SLC38A2: variants seen among roughly 807,000 people sequenced by gnomAD.
The protein encoded by SLC38A2 is sodium-coupled neutral amino acid symporter 2.
In SLC38A2, 11 loss-of-function variants were observed where a neutral mutation model predicts 61.5. The ratio of observed to expected loss-of-function variants is 0.18; its 90% confidence interval spans 0.11 to 0.30. The LOEUF is 0.30. Ranked by LOEUF, SLC38A2 falls within the 10% of genes least tolerant of loss-of-function variation. The pLI is 1.00. For synonymous variants in SLC38A2, 217 were observed against 212.5 expected, an observed-to-expected ratio of 1.02 and a Z score of -0.18; for missense variants, 522 against 600.4, an observed-to-expected ratio of 0.87 and a Z score of 1.36.
intron 15 of SLC38A2, chr12:46,361,877 C>T (rs1943085311): frequency 6.2e-6 from 1 of 161,278 alleles, no homozygotes; most frequent in Admixed American, 6.3e-5. Flanking sequence ...GACGGCCTCC[C>T]TGAGAGCTTC....
Position 46,364,440 on chromosome 12 carries a change from G to A in SLC38A2, c.822C>T (p.Asn274=), listed in dbSNP as rs374341949. The A allele has an allele frequency of 3.9e-5, 62 of 1,608,252 alleles. No homozygotes were observed. Among genetic ancestry groups the A allele is most frequent in the Non-Finnish European group, 4.8e-5 (57 of 1,178,156 alleles). Reference sequence around the variant, plus strand: ...GTCTGCAAGAGTCATTTTCAGTCACGTTATGTGACAAAGCAGGTACAAGAG... The same window carrying A: ...GTCTGCAAGAGTCATTTTCAGTCACATTATGTGACAAAGCAGGTACAAGAG... ...PTALVPALSH[N]VTENDSCRPH... is the part of the protein sequence containing the mutation. Residue 274 remains asparagine (N), a synonymous_variant, in exon 10 of 16, where the codon AAC becomes AAT. Coordinates refer to ENST00000256689, the MANE Select transcript of SLC38A2 (RefSeq NM_018976.5).
Position 46,365,324 on chromosome 12 carries a change from C to T in SLC38A2, c.564-135G>A, listed in dbSNP as rs1592204608. The T allele has an allele frequency of 4.0e-6, 3 of 749,354 alleles. No individual in the cohort carries two copies. The East Asian group carries it at 8.0e-5, about 20-fold the overall frequency. The allele number at this position is 749,354 out of a possible 1,614,324, so 46.4% of individuals were successfully genotyped here. On this transcript the variant is annotated intron_variant, in intron 7 of 15. Coordinates refer to ENST00000256689, the MANE Select transcript of SLC38A2 (RefSeq NM_018976.5). ...AAAAGACATGTTTGGAAAAAGTTTCCCCTGTTCAAGATAGGAATAACTTTT... is the reference window on the plus strand; with the variant it reads ...AAAAGACATGTTTGGAAAAAGTTTCTCCTGTTCAAGATAGGAATAACTTTT...
At chr12:46,371,868 CA>C (rs1342847071) in intron 1 of SLC38A2, among the ~76,000 whole-genome samples, 1 of 152,192 alleles carries the variant, frequency 6.6e-6, no homozygotes, top group Non-Finnish European at 1.5e-5. Context: ...CTGCCGCAGA[CA>C]GCCTTCCCCA....
Position 46,371,198 on chromosome 12 carries a change from G to C in SLC38A2, c.96C>G (p.Thr32=). ...SNSDFNYSYP[T]KQAALKSHYA... is the part of the protein sequence containing the mutation. Reference sequence around the variant, plus strand: ...CCCACCTTTTCAGAGCAGCTTGCTTGGTGGGGTAGGAGTAGTTGAAGTCGC... The same window carrying C: ...CCCACCTTTTCAGAGCAGCTTGCTTCGTGGGGTAGGAGTAGTTGAAGTCGC... The change falls in exon 2 of 16, where the codon ACC becomes ACG. Residue 32 remains threonine, a synonymous_variant. Coordinates refer to ENST00000256689, the MANE Select transcript of SLC38A2 (RefSeq NM_018976.5). 2 of 1,614,214 alleles carry C rather than the reference G, an allele frequency of 1.2e-6. No individual in the cohort carries two copies. The highest frequency in any genetic ancestry group is 1.7e-6 in the Non-Finnish European group (2 of 1,180,024).
At chr12:46,364,289 T>C in intron 10 of SLC38A2, 100 bp downstream of exon 10, 2 of 1,253,970 alleles carry the variant, frequency 1.6e-6, no homozygotes, top group Non-Finnish European at 1.1e-6. Context: ...ATGTTTTCTA[T>C]AAAGCACCTA....
At position 46,371,265 on chromosome 12, in the gene SLC38A2, C is replaced by G; in HGVS notation, c.29G>C (p.Ser10Thr). 1 of 1,614,238 alleles carries G rather than the reference C, an allele frequency of 6.2e-7. No homozygotes were observed. The highest frequency in any genetic ancestry group is 8.5e-7 in the Non-Finnish European group (1 of 1,180,042). Residue 10 changes from serine to threonine, a missense_variant, in exon 2 of 16, where the codon AGT becomes ACT. Physicochemically the swap from Ser to Thr is moderately conservative, Grantham distance 58. Transcript: ENST00000256689. MKKAEMGRF[S>T]ISPDEDSSSY... ...GCTGCTGTCTTCATCCGGGGAAATA[C>G]TGAATCGTCCCATTTCGGCCTTCTT...
rs571679446 is a variant in SLC38A2 at position 46,365,976 on chromosome 12, A to C, written c.564-787T>G. On this transcript the variant is annotated intron_variant, in intron 7 of 15. Coordinates refer to ENST00000256689, the MANE Select transcript of SLC38A2 (RefSeq NM_018976.5). ...AGCACTCTGCAGAACACCAACACTT[A>C]AAGATCAGCTTAAAAAATTAAATTT... is the stretch of plus-strand genomic sequence containing the variant. 3.9e-5 allele frequency among the ~76,000 whole-genome samples: 6 copies of C among 152,288 alleles called. No homozygotes were observed. The South Asian group carries it at 1.2e-3, about 32-fold the overall frequency.
intron 1 of SLC38A2, 147 bp from the exon 2 acceptor site, chr12:46,371,526 A>T: frequency 2.0e-6 from 1 of 503,042 alleles, no homozygotes; most frequent in Non-Finnish European, 3.5e-6. Context: ...GGGCGCGCCG[A>T]GGGGCGGAAA....
chr12:46,367,263 A>C lies in SLC38A2; in HGVS notation c.388+4T>G, dbSNP rs1408519998. 6.3e-7 allele frequency: 1 copy of C among 1,592,550 alleles called. No homozygotes were observed. The highest frequency in any genetic ancestry group is 8.6e-7 in the Non-Finnish European group (1 of 1,160,806). On this transcript the variant is annotated splice_donor_region_variant and intron_variant, in intron 5 of 15. Coordinates refer to ENST00000256689, the MANE Select transcript of SLC38A2 (RefSeq NM_018976.5). ...TTTTAGAAAAATCAAGAATGCTATC[A>C]TACCTCCTTCATTGGCAGTCTTCAA...
intron 4 of SLC38A2, among the ~76,000 whole-genome samples, chr12:46,370,126 G>A (rs550609138): frequency 5.9e-5 from 9 of 152,270 alleles, no homozygotes; most frequent in African/African-American, 9.6e-5. Context: ...GAACTGTGTC[G>A]ATTTACCAAA....
At chr12:46,364,723 A>G in intron 8 of SLC38A2, 21 bp from the exon 9 acceptor site, 1 of 1,591,200 alleles carries the variant, frequency 6.3e-7, no homozygotes, top group Non-Finnish European at 8.6e-7. Flanking sequence ...GGGTGGCAGG[A>G]ATCAGTATTA....
chr12:46,371,873 T>A (rs1220991112), intron 1 of SLC38A2, among the ~76,000 whole-genome samples: 2 of 152,110 alleles, frequency 1.3e-5, no homozygotes, highest in African/African-American at 4.8e-5. Flanking sequence ...GCAGACAGCC[T>A]TCCCCAGGAG....
chr12:46,364,722 G>C lies in SLC38A2; in HGVS notation c.647-20C>G, dbSNP rs778109734. On this transcript the variant is annotated intron_variant, in intron 8 of 15. Coordinates refer to ENST00000256689, the MANE Select transcript of SLC38A2 (RefSeq NM_018976.5). ...AATATCCTATAAGGAGGGGTGGCAG[G>C]AATCAGTATTAGTTTAATGAAACAG... 1.3e-6 allele frequency: 2 copies of C among 1,591,968 alleles called. No homozygotes were observed. Among genetic ancestry groups the C allele is most frequent in the Non-Finnish European group, 1.7e-6 (2 of 1,168,232 alleles).
Position 46,366,938 on chromosome 12 carries a change from T to C in SLC38A2, c.489A>G (p.Ser163=), listed in dbSNP as rs770782496. The stretch of plus-strand genomic sequence containing the variant: ...CATATTTCACTATGAAGAGGTAGCT[T>C]GACATAGCTGGAGGAAAACAAAATT... The part of the protein sequence containing the change: ...SITMQNIGAM[S]SYLFIVKYEL... Residue 163 remains serine (S), a synonymous_variant, in exon 7 of 16, where the codon TCA becomes TCG. Transcript: ENST00000256689. The C allele has an allele frequency of 2.5e-6, 4 of 1,613,428 alleles. No individual in the cohort carries two copies. In the Admixed American group the frequency reaches 5.0e-5, roughly 20 times the overall value.
chr12:46,367,427 T>A, intron 4 of SLC38A2, 87 bp from the exon 5 acceptor site: 1 of 777,954 alleles, frequency 1.3e-6, no homozygotes, highest in Non-Finnish European at 2.2e-6. Context: ...AATAACATTA[T>A]GTGTGCAACT....
At chr12:46,367,978 A>G (rs906158699) in intron 4 of SLC38A2, among the ~76,000 whole-genome samples, 1 of 152,122 alleles carries the variant, frequency 6.6e-6, no homozygotes, top group African/African-American at 2.4e-5. Flanking sequence ...TCTCTACCGA[A>G]GGAAAAACAA....
At position 46,362,508 on chromosome 12, in the gene SLC38A2, A is replaced by G. The variant is rs779493582; in HGVS notation, c.1310T>C (p.Ile437Thr). 5.0e-6 allele frequency: 8 copies of G among 1,596,254 alleles called. No individual in the cohort carries two copies. The highest frequency in any genetic ancestry group is 6.8e-6 in the Non-Finnish European group (8 of 1,175,290). ...LVIFVPTIRD[I>T]FGFIGASAAS... ...CTAAAACTTACCAATAAAACCAAAG[A>G]TATCCCTAATAGTTGGGACAAAGAT... is the stretch of plus-strand genomic sequence containing the variant. Residue 437 changes from isoleucine (I) to threonine (T), a missense_variant, in exon 14 of 16, where the codon ATC becomes ACC. Ile to Thr is a moderately conservative substitution (Grantham distance 89). Around this residue, in one of 3 missense-constraint regions of SLC38A2, gnomAD observed 309 missense variants for 343.9 expected, o/e 0.90. Coordinates refer to ENST00000256689, the MANE Select transcript of SLC38A2 (RefSeq NM_018976.5).
At chr12:46,372,473 G>C in intron 1 of SLC38A2, 36 bp downstream of exon 1, 2 of 310,948 alleles carry the variant, frequency 6.4e-6, no homozygotes, top group Non-Finnish European at 5.8e-6. Flanking sequence ...CCCGGGCCCC[G>C]CGCCCTTCCC....
chr12:46,364,740 T>A, intron 8 of SLC38A2, 38 bp from the exon 9 acceptor site: 1 of 1,562,670 alleles, frequency 6.4e-7, no homozygotes, highest in East Asian at 2.2e-5. Flanking sequence ...ATTAGTTTAA[T>A]GAAACAGATT....
Sources: gnomAD v4.1 joint callset for allele counts (sites outside exome capture counted in the v4.1 genomes callset) on GRCh38, gnomAD v4.1.1 for gene constraint, gnomAD v4.1.1 regional missense constraint, MANE v1.5 for transcripts, NCBI Gene and HGNC (gene_info 2026-07-23, HGNC 2026-07-21) for gene names.